Variants in ADCY5 observed in about 807,000 individuals in gnomAD.
ADCY5 encodes adenylate cyclase type 5.
In ADCY5, 30 loss-of-function variants were observed where a neutral mutation model predicts 119.7. The observed-to-expected ratio is 0.25, with a 90% confidence interval of 0.19 to 0.34. The LOEUF is 0.34. Ranked by LOEUF, ADCY5 falls within the 10% of genes least tolerant of loss-of-function variation. The probability of loss-of-function intolerance (pLI) is 1.00; values close to 1 mark genes in which losing one functional copy is unlikely to be tolerated. For synonymous variants in ADCY5, 753 were observed against 762.2 expected (o/e 0.99, Z 0.20); for missense variants, 1,324 against 1,775.2 (o/e 0.75, Z 4.57).
intron 19 of ADCY5, among the ~76,000 whole-genome samples, chr3:123,287,605 TA>T (rs1336433925): frequency 1.3e-5 from 2 of 149,588 alleles, no homozygotes; most frequent in Non-Finnish European, 2.9e-5. Context: ...AGCTCCAAAC[TA>T]GGCCCCTGGT....
At chr3:123,304,965 C>A (rs148153625) in intron 12 of ADCY5, among the ~76,000 whole-genome samples, 1 of 152,134 alleles carries the variant, frequency 6.6e-6, no homozygotes, top group African/African-American at 2.4e-5. Context: ...GCAGAGGATC[C>A]AGGATGCCCT....
intron 1 of ADCY5, among the ~76,000 whole-genome samples, chr3:123,422,131 T>A (rs1326337315): frequency 6.6e-6 from 1 of 152,224 alleles, no homozygotes; most frequent in Non-Finnish European, 1.5e-5. Flanking sequence ...AGCTTCCTCC[T>A]GGGCAGAGGG....
intron 1 of ADCY5, among the ~76,000 whole-genome samples, chr3:123,358,932 G>A (rs936775471): frequency 3.3e-5 from 5 of 152,182 alleles, no homozygotes; most frequent in East Asian, 3.8e-4. Context: ...CACTGTGATC[G>A]TTTCTGCCTC....
Position 123,447,520 on chromosome 3 carries a change from C to T in ADCY5, c.1026G>A (p.Leu342=), listed in dbSNP as rs765584616. ...TVFFIYTIYT[L]LPVRMRAAVL... ...CTGCGGCCCGCATGCGCACGGGCAGCAGCGTGTAGATGGTGTAGATGAAGA... is the reference window on the plus strand; with the variant it reads ...CTGCGGCCCGCATGCGCACGGGCAGTAGCGTGTAGATGGTGTAGATGAAGA... The change falls in exon 1 of 21, where the codon CTG becomes CTA. Residue 342 remains leucine, a synonymous_variant. Transcript: ENST00000462833. The T allele has an allele frequency of 8.7e-6, 14 of 1,611,116 alleles. No individual in the cohort carries two copies. The Admixed American group carries it at 2.3e-4, about 27-fold the overall frequency.
chr3:123,356,298 A>C (rs1943035226), intron 1 of ADCY5, among the ~76,000 whole-genome samples: 1 of 152,230 alleles, frequency 6.6e-6, no homozygotes, highest in African/African-American at 2.4e-5. Flanking sequence ...AAATAAATTG[A>C]ACTTCATCAA....
chr3:123,343,605 G>A (rs1181322709), intron 3 of ADCY5, among the ~76,000 whole-genome samples: 1 of 152,174 alleles, frequency 6.6e-6, no homozygotes, highest in Non-Finnish European at 1.5e-5. Flanking sequence ...TGAGAAGGCT[G>A]AGGCTGACTG....
At chr3:123,383,934 CA>C in intron 1 of ADCY5, among the ~76,000 whole-genome samples, 1 of 147,412 alleles carries the variant, frequency 6.8e-6, no homozygotes. Context: ...TGCACACACA[CA>C]CACACACCCT....
chr3:123,300,145 C>T lies in ADCY5; in HGVS notation c.2875G>A (p.Asp959Asn), dbSNP rs775356872. The change falls in exon 15 of 21, where the codon GAC becomes AAC. Residue 959 changes from aspartate to asparagine, a missense_variant. This residue lies in a region of ADCY5 where 424 missense variants were observed against 546.8 expected (regional missense o/e 0.78). Coordinates refer to ENST00000462833, the MANE Select transcript of ADCY5 (RefSeq NM_183357.3). ...VPGVTLFDNA[D>N]LLVTANAIDF... ...ATGGCGTTGGCGGTGACCAGCAGGT[C>T]GGCGTTGTCGAAGAGCGTGACACCT... 1.1e-5 allele frequency: 17 copies of T among 1,613,878 alleles called. No homozygotes were observed. The highest frequency in any genetic ancestry group is 6.7e-5 in the Admixed American group (4 of 60,016).
Position 123,447,840 on chromosome 3 carries a change from G to A in ADCY5, c.706C>T (p.Arg236Cys), listed in dbSNP as rs750041848. The A allele has an allele frequency of 6.2e-7, 1 of 1,612,750 alleles. No homozygotes were observed. The highest frequency in any genetic ancestry group is 1.1e-5 in the South Asian group (1 of 91,082). Residue 236 changes from arginine (R) to cysteine (C), a missense_variant, in exon 1 of 21, where the codon CGC becomes TGC. Coordinates refer to ENST00000462833, the MANE Select transcript of ADCY5 (RefSeq NM_183357.3). The stretch of plus-strand genomic sequence containing the variant: ...ATGGTGAGGCTGCTCTGGTTCAGGC[G>A]GAAGAAGTAGCGCTGGTACAGCCGC... ...LERLYQRYFFRLNQSSLTMLM... is the reference protein window; with the variant it reads ...LERLYQRYFFCLNQSSLTMLM...
chr3:123,286,876 C>T lies in ADCY5; in HGVS notation c.3533-67G>A. On this transcript the variant is annotated intron_variant, in intron 19 of 20. Transcript: ENST00000462833. This position sits in a 1 kb window ranked among gnomAD's most constrained non-coding sequence, Gnocchi z 4.2. ...CTTGACCTTGCCACCATCTGTCTCC[C>T]CACATGCTGCAGGTCCTTCTGACTC... is the stretch of plus-strand genomic sequence containing the variant. 1 of 1,521,204 alleles carries T rather than the reference C, an allele frequency of 6.6e-7. No homozygotes were observed. The highest frequency in any genetic ancestry group is 8.8e-7 in the Non-Finnish European group (1 of 1,138,264). 94.2% of individuals were successfully genotyped at this position (1,521,204 alleles called of 1,614,324 possible). A position where few individuals can be genotyped will look rare whatever the true frequency, so the allele number is the denominator to read the frequency against.
chr3:123,303,263 G>A, intron 13 of ADCY5, 44 bp from the exon 14 acceptor site: 1 of 1,591,542 alleles, frequency 6.3e-7, no homozygotes, highest in Non-Finnish European at 8.6e-7. Flanking sequence ...TAAGCTGCTG[G>A]GGGACAGGTA....
rs562062980 is a variant in ADCY5, at chr3:123,319,849, G to A, written c.2112-31C>T. 19 of 1,606,724 alleles carry A rather than the reference G, an allele frequency of 1.2e-5. No individual in the cohort carries two copies. In the South Asian group the frequency reaches 1.9e-4, roughly 16 times the overall value. On this transcript the variant is annotated intron_variant, in intron 9 of 20. Transcript: ENST00000462833. ...GAGCAGAAGGCACGGGCGTGAGACA[G>A]GCTGACCACAGGGGCACCAGCAGAG...
intron 1 of ADCY5, among the ~76,000 whole-genome samples, chr3:123,411,775 C>T (rs1264462672): frequency 1.3e-5 from 2 of 152,200 alleles, no homozygotes; most frequent in Admixed American, 6.5e-5. Flanking sequence ...ACAGCTTAAC[C>T]TAATGGGACA....
intron 19 of ADCY5, 107 bp downstream of exon 19, chr3:123,289,643 C>T: frequency 7.3e-7 from 1 of 1,372,892 alleles, no homozygotes. Flanking sequence ...GCCTGGCCTT[C>T]TACCTTGGGA....
At chr3:123,443,398 T>A (rs978237312) in intron 1 of ADCY5, among the ~76,000 whole-genome samples, 2 of 152,064 alleles carry the variant, frequency 1.3e-5, no homozygotes, top group African/African-American at 4.8e-5. Flanking sequence ...CTTTCAAAGT[T>A]AACACAAAGG....
At chr3:123,351,522 C>CT (rs1487774955) in intron 2 of ADCY5, among the ~76,000 whole-genome samples, 1 of 152,196 alleles carries the variant, frequency 6.6e-6, no homozygotes, top group African/African-American at 2.4e-5. Context: ...AGATGGTAAT[C>CT]TAAGATGGGA....
chr3:123,367,193 T>G (rs1190153913), intron 1 of ADCY5, among the ~76,000 whole-genome samples: 1 of 152,086 alleles, frequency 6.6e-6, no homozygotes, highest in Non-Finnish European at 1.5e-5. Context: ...GGCCCCCACC[T>G]CATCCCCGGA....
chr3:123,394,563 A>C (rs1364107544), intron 1 of ADCY5, among the ~76,000 whole-genome samples: 1 of 152,230 alleles, frequency 6.6e-6, no homozygotes, highest in Non-Finnish European at 1.5e-5. Flanking sequence ...AAGCTCGTGC[A>C]GTTTAGAAAT....
chr3:123,327,506 C>T, intron 7 of ADCY5, 112 bp downstream of exon 7: 1 of 1,183,072 alleles, frequency 8.5e-7, no homozygotes, highest in Admixed American at 2.8e-5. Context: ...ACCGCAACTG[C>T]ATAAGAAATT....
Sources: gnomAD v4.1 joint callset for allele counts (sites outside exome capture counted in the v4.1 genomes callset) on GRCh38, gnomAD v4.1.1 for gene constraint, gnomAD v4.1.1 regional missense constraint, Gnocchi (gnomAD v3.1) non-coding constraint, MANE v1.5 for transcripts, NCBI Gene and HGNC (gene_info 2026-07-23, HGNC 2026-07-21) for gene names.